Variants in MYO1F observed in about 807,000 individuals in gnomAD.
MYO1F encodes myosin IF, also known as unconventional myosin-If.
MYO1F carries 60 observed loss-of-function variants against 146.6 expected under a neutral mutation model. That is an observed-to-expected ratio of 0.41 (90% CI 0.33 to 0.51). The LOEUF is 0.51. Ranked by LOEUF, MYO1F falls within the 20% of genes least tolerant of loss-of-function variation. The pLI is 0.25. For missense variants in MYO1F, 1,274 were observed against 1,534.3 expected, an observed-to-expected ratio of 0.83 and a Z score of 2.83; for synonymous variants, 602 against 602.1, an observed-to-expected ratio of 1.00 and a Z score of 0.00.
At chr19:8,536,418 G>C in intron 18 of MYO1F, 22 bp from the exon 19 acceptor site, 1 of 1,608,332 alleles carries the variant, frequency 6.2e-7, no homozygotes, top group Non-Finnish European at 8.5e-7. Context: ...GGGCTGGGGT[G>C]TGGGAGTGCT....
chr19:8,566,075 C>T (rs2041996740), intron 1 of MYO1F, among the ~76,000 whole-genome samples: 1 of 151,962 alleles, frequency 6.6e-6, no homozygotes, highest in Admixed American at 6.6e-5. Context: ...TGGCAGCACT[C>T]CAGCCTGGAT....
At position 8,545,797 on chromosome 19, in the gene MYO1F, C is replaced by T. The variant is rs117536602; in HGVS notation, c.1270-61G>A. ...GAAAAAGTTGTGGCCACCCTTCCCCCCATGTCCTCTCCCCTTCTCCATCTC... is the reference window on the plus strand; with the variant it reads ...GAAAAAGTTGTGGCCACCCTTCCCCTCATGTCCTCTCCCCTTCTCCATCTC... On this transcript the variant is annotated intron_variant, in intron 12 of 27. Transcript: ENST00000644032. 0.015 allele frequency: 17,087 copies of T among 1,157,478 alleles called. 148 individuals are homozygous for T. The highest frequency in any genetic ancestry group is 0.018 in the Middle Eastern group (95 of 5,144). The allele number at this position is 1,157,478 out of a possible 1,614,324, so 71.7% of individuals were successfully genotyped here.
intron 1 of MYO1F, among the ~76,000 whole-genome samples, chr19:8,575,083 T>TC (rs1310464068): frequency 1.3e-5 from 2 of 150,088 alleles, no homozygotes; most frequent in African/African-American, 2.4e-5. Flanking sequence ...TTTTTCTTTT[T>TC]TTTTTTTTTT....
intron 19 of MYO1F, among the ~76,000 whole-genome samples, chr19:8,532,544 G>A (rs546065783): frequency 1.3e-5 from 2 of 152,238 alleles, no homozygotes; most frequent in African/African-American, 4.8e-5. Flanking sequence ...ACTTCAAAGA[G>A]AAACTGTGAT....
intron 1 of MYO1F, among the ~76,000 whole-genome samples, chr19:8,573,550 C>T (rs1467950085): frequency 6.6e-6 from 1 of 151,808 alleles, no homozygotes; most frequent in Non-Finnish European, 1.5e-5. Flanking sequence ...CTATAATAAC[C>T]AACCACCATC....
intron 15 of MYO1F, 182 bp from the exon 16 acceptor site, chr19:8,540,210 C>T (rs114242403): frequency 2.0e-4 from 110 of 548,708 alleles, no homozygotes; most frequent in African/African-American, 1.8e-3. Flanking sequence ...GGCAGGGCCT[C>T]GCTTTGTCCT....
At chr19:8,541,417 G>GTTT (rs762175522) in intron 15 of MYO1F, among the ~76,000 whole-genome samples, 15 of 134,238 alleles carry the variant, frequency 1.1e-4, no homozygotes, top group South Asian at 9.2e-4. Flanking sequence ...GTGTGTGTGT[G>GTTT]TGTGTGTGTT....
chr19:8,525,260 G>C (rs1235066628), intron 25 of MYO1F: 2 of 537,548 alleles, frequency 3.7e-6, no homozygotes, highest in Non-Finnish European at 3.3e-6. Context: ...GGTAGGAGGA[G>C]AGAAGATGTC....
At chr19:8,538,959 C>T (rs75513910) in intron 16 of MYO1F, among the ~76,000 whole-genome samples, 3,756 of 152,190 alleles carry the variant, frequency 0.025, 86 homozygotes, top group African/African-American at 0.062. Context: ...TATGAATGCA[C>T]TTAATACCAC....
chr19:8,543,774 GTGCTGGTGGTGC>G (rs1973138004), intron 14 of MYO1F, among the ~76,000 whole-genome samples: 1 of 10,580 alleles, frequency 9.5e-5, no homozygotes, highest in Admixed American at 9.4e-4. Context: ...GGTGCTGGTG[GTGCTGGTGGTGC>G]TGGTGGTGGT....
chr19:8,570,453 G>A lies in MYO1F; in HGVS notation c.3+6854C>T, dbSNP rs537851986. 7.3e-5 allele frequency among the ~76,000 whole-genome samples: 11 copies of A among 150,956 alleles called. No individual in the cohort carries two copies. The East Asian group carries it at 2.2e-3, about 30-fold the overall frequency. ...GTGGCATGACCTTGGCTCAACCTCTGCCTCCCAGGTTCAAGCAATTCTCCT... is the reference window on the plus strand; with the variant it reads ...GTGGCATGACCTTGGCTCAACCTCTACCTCCCAGGTTCAAGCAATTCTCCT... On this transcript the variant is annotated intron_variant, in intron 1 of 27. Transcript: ENST00000644032.
intron 1 of MYO1F, among the ~76,000 whole-genome samples, chr19:8,569,200 G>T (rs1568376167): frequency 6.6e-6 from 1 of 152,106 alleles, no homozygotes; most frequent in African/African-American, 2.4e-5. Flanking sequence ...GTCTCCATGG[G>T]TCAAGTCAAA....
rs775374729 is a variant in MYO1F, at chr19:8,530,179, A to G, written c.2328+17T>C. ...CTGTAGTCAGGGTCTTGCTGTGCCCACCCACTAGTGCCTCACCTTGAAGCG... is the reference window on the plus strand; with the variant it reads ...CTGTAGTCAGGGTCTTGCTGTGCCCGCCCACTAGTGCCTCACCTTGAAGCG... On this transcript the variant is annotated intron_variant, in intron 21 of 27. Coordinates refer to ENST00000644032, the MANE Select transcript of MYO1F (RefSeq NM_012335.4). The surrounding 1 kb of genome is among the most constrained non-coding windows in gnomAD (Gnocchi z 5.8). 6 of 1,613,784 alleles carry G rather than the reference A, an allele frequency of 3.7e-6. No homozygotes were observed. Among genetic ancestry groups the G allele is most frequent in the Non-Finnish European group, 5.1e-6 (6 of 1,179,972 alleles).
intron 1 of MYO1F, among the ~76,000 whole-genome samples, chr19:8,572,030 G>A (rs1555732096): frequency 6.6e-6 from 1 of 152,122 alleles, no homozygotes; most frequent in Non-Finnish European, 1.5e-5. Flanking sequence ...GCCTTTATAC[G>A]TGGGGACCCT....
chr19:8,522,569 T>A (rs779362491), intron 26 of MYO1F, 23 bp from the exon 27 acceptor site: 18 of 1,608,466 alleles, frequency 1.1e-5, no homozygotes, highest in Non-Finnish European at 1.4e-5. Flanking sequence ...GGGGTTTGAG[T>A]CACAGCCCCA....
intron 1 of MYO1F, among the ~76,000 whole-genome samples, chr19:8,564,618 T>A (rs2041967412): frequency 6.6e-6 from 1 of 151,594 alleles, no homozygotes; most frequent in African/African-American, 2.4e-5. Context: ...CTGAAGAGCG[T>A]CTGAGCTCAC....
intron 4 of MYO1F, among the ~76,000 whole-genome samples, chr19:8,553,894 ACTCTCTCTCTCTCTCT>A (rs530875155): frequency 9.7e-6 from 1 of 102,606 alleles, no homozygotes; most frequent in African/African-American, 4.2e-5. Flanking sequence ...ACACACACAC[ACTCTCTCTCTCTCTCT>A]CTCTCTCTCT....
chr19:8,554,385 A>G, intron 4 of MYO1F, 92 bp downstream of exon 4: 1 of 1,022,970 alleles, frequency 9.8e-7, no homozygotes, highest in East Asian at 2.4e-5. Context: ...CAATGTTCAG[A>G]TTGGGAGTTT....
intron 8 of MYO1F, 38 bp from the exon 9 acceptor site, chr19:8,550,732 C>A: frequency 6.2e-7 from 1 of 1,612,834 alleles, no homozygotes; most frequent in South Asian, 1.1e-5. Flanking sequence ...GCCGTGAATC[C>A]TGGCCTCCAA....
Sources: allele counts gnomAD v4.1 joint callset (sites outside exome capture counted in the v4.1 genomes callset), GRCh38; gene constraint gnomAD v4.1.1; non-coding constraint Gnocchi (gnomAD v3.1); transcripts MANE v1.5; gene names NCBI Gene and HGNC (gene_info 2026-07-23, HGNC 2026-07-21).